The following UBE2J2 variants were observed in gnomAD, a reference collection of about 807,000 sequenced individuals.
UBE2J2 encodes the protein ubiquitin conjugating enzyme E2 J2.
A neutral mutation model predicts 28.6 loss-of-function variants in UBE2J2; 5 were observed. The ratio of observed to expected loss-of-function variants is 0.17; its 90% CI spans 0.09 to 0.37. UBE2J2 has a LOEUF of 0.37. Ranked by LOEUF, UBE2J2 falls within the 10% of genes least tolerant of loss-of-function variation. The pLI is 1.00. For missense variants in UBE2J2, 226 were observed against 338.9 expected (o/e 0.67, Z 2.62); for synonymous variants, 138 against 139.7 (o/e 0.99, Z 0.09).
rs537122535 is a variant in UBE2J2, at chr1:1,267,867, G to C, written c.126C>G (p.Leu42=). ...TCAGTGGCGCGGAGCCTTACCACTCGAGAATATTCGAAGGGAGGGGCTCGG... is the reference window on the plus strand; with the variant it reads ...TCAGTGGCGCGGAGCCTTACCACTCCAGAATATTCGAAGGGAGGGGCTCGG... ...ICAEPLPSNI[L]EWHYVVRGPE... is the part of the protein sequence containing the mutation. The change falls in exon 2 of 7, where the codon CTC becomes CTG. Residue 42 remains leucine (L), a synonymous_variant. Transcript: ENST00000349431. 3 of 1,613,968 alleles carry C rather than the reference G, an allele frequency of 1.9e-6. No homozygotes were observed. Among genetic ancestry groups the C allele is most frequent in the South Asian group, 2.2e-5 (2 of 91,074 alleles).
chr1:1,270,378 C>T (rs1361708892), intron 1 of UBE2J2, among the ~76,000 whole-genome samples: 3 of 152,228 alleles, frequency 2.0e-5, no homozygotes, highest in South Asian at 4.1e-4. Flanking sequence ...GTGTCTGCTC[C>T]CAACCTGAGG....
chr1:1,255,919 TG>T, intron 6 of UBE2J2, 125 bp downstream of exon 6: 1 of 750,856 alleles, frequency 1.3e-6, no homozygotes. Flanking sequence ...TCGGGGCTCC[TG>T]GGGGAGAGGA....
At chr1:1,259,735 C>G (rs554264025) in intron 3 of UBE2J2, among the ~76,000 whole-genome samples, 1 of 152,170 alleles carries the variant, frequency 6.6e-6, no homozygotes, top group Non-Finnish European at 1.5e-5. Context: ...ACGGACCCCA[C>G]GCCCCACATG....
chr1:1,269,071 C>A (rs1432614333), intron 1 of UBE2J2, among the ~76,000 whole-genome samples: 3 of 151,788 alleles, frequency 2.0e-5, no homozygotes, highest in Non-Finnish European at 4.4e-5. Context: ...CAAGACAGCA[C>A]TGAAGGCCGA....
chr1:1,259,743 A>G (rs993533137), intron 3 of UBE2J2, among the ~76,000 whole-genome samples: 2 of 151,814 alleles, frequency 1.3e-5, no homozygotes, highest in Non-Finnish European at 2.9e-5. Flanking sequence ...CACGCCCCAC[A>G]TGGACTGTGC....
intron 1 of UBE2J2, chr1:1,272,853 G>C (rs975993740): frequency 3.3e-5 from 5 of 153,624 alleles, no homozygotes; most frequent in South Asian, 1.8e-4. Flanking sequence ...AGATACTCAC[G>C]ATCCTTTCTT....
chr1:1,273,615 G>A (rs985054206), intron 1 of UBE2J2, 51 bp downstream of exon 1: 1 of 151,616 alleles, frequency 6.6e-6, no homozygotes, highest in African/African-American at 2.4e-5. Flanking sequence ...GGCTCCGGCA[G>A]GGGGGACGAG....
intron 3 of UBE2J2, 97 bp from the exon 4 acceptor site, chr1:1,257,407 C>CTG (rs1475341639): frequency 1.8e-6 from 1 of 554,638 alleles, no homozygotes; most frequent in Non-Finnish European, 2.8e-6. Context: ...CCCCCCCCCC[C>CTG]CTCAGCTCGG....
chr1:1,260,889 A>G (rs1057102442), intron 3 of UBE2J2, among the ~76,000 whole-genome samples: 1 of 152,366 alleles, frequency 6.6e-6, no homozygotes, highest in Admixed American at 6.5e-5. Context: ...ACTGTGTGAA[A>G]TCTACAGATT....
chr1:1,257,725 T>G (rs1175964315), intron 3 of UBE2J2, among the ~76,000 whole-genome samples: 2 of 151,984 alleles, frequency 1.3e-5, no homozygotes, highest in African/African-American at 4.8e-5. Flanking sequence ...CAGGCCCAGC[T>G]GAGGCCGCCC....
chr1:1,255,757 C>T (rs111814584), intron 6 of UBE2J2, among the ~76,000 whole-genome samples: 10 of 152,352 alleles, frequency 6.6e-5, no homozygotes, highest in African/African-American at 2.2e-4. Context: ...ACATGGCAGC[C>T]GCTGTGCCTC....
At chr1:1,259,806 C>T (rs1639448677) in intron 3 of UBE2J2, among the ~76,000 whole-genome samples, 1 of 152,186 alleles carries the variant, frequency 6.6e-6, no homozygotes, top group Non-Finnish European at 1.5e-5. Flanking sequence ...GGGGCTCGTG[C>T]CCGCTTGTAT....
chr1:1,263,133 ACAGGCGGCCCTG>A (rs1639658971), intron 3 of UBE2J2: 1 of 555,380 alleles, frequency 1.8e-6, no homozygotes, highest in Admixed American at 2.9e-5. Context: ...CACAGACGCT[ACAGGCGGCCCTG>A]CAGGCTGAGA....
At chr1:1,273,258 A>G (rs909912492) in intron 1 of UBE2J2, 2 of 151,970 alleles carry the variant, frequency 1.3e-5, no homozygotes, top group African/African-American at 4.8e-5. Flanking sequence ...AGTCCCGGGC[A>G]CGCTCGTTTC....
chr1:1,257,844 C>A (rs1462855899), intron 3 of UBE2J2, among the ~76,000 whole-genome samples: 4 of 151,980 alleles, frequency 2.6e-5, no homozygotes, highest in African/African-American at 9.7e-5. Flanking sequence ...CACTCTCCAC[C>A]ACACACCCCT....
At chr1:1,262,217 G>A (rs1347544740) in intron 3 of UBE2J2, 4 of 421,162 alleles carry the variant, frequency 9.5e-6, no homozygotes, top group South Asian at 3.4e-5. Context: ...CACACGCATC[G>A]TAACAAGTAC....
rs765266029 is a variant in UBE2J2 at position 1,255,504 on chromosome 1, G to A, written c.496-17C>T. Reference sequence around the variant, plus strand: ...TTTAATCTCCTAAGAGAAAAACAGCGAGAAAAGCAGCTGGTCTCCAACCAG... The same window carrying A: ...TTTAATCTCCTAAGAGAAAAACAGCAAGAAAAGCAGCTGGTCTCCAACCAG... On this transcript the variant is annotated splice_polypyrimidine_tract_variant and intron_variant, in intron 6 of 6. Coordinates refer to ENST00000349431, the MANE Select transcript of UBE2J2 (RefSeq NM_058167.3). 28 of 1,597,436 alleles carry A rather than the reference G, an allele frequency of 1.8e-5. No individual in the cohort carries two copies. The highest frequency in any genetic ancestry group is 5.1e-5 in the Admixed American group (3 of 59,170).
At chr1:1,255,615 C>A in intron 6 of UBE2J2, 128 bp from the exon 7 acceptor site, 1 of 1,189,534 alleles carries the variant, frequency 8.4e-7, no homozygotes, top group Non-Finnish European at 1.2e-6. Flanking sequence ...AATTCCGACC[C>A]CATCTCACAG....
chr1:1,256,389 C>T (rs41311977), intron 5 of UBE2J2: 61 of 400,086 alleles, frequency 1.5e-4, no homozygotes, highest in African/African-American at 6.2e-4. Flanking sequence ...TGACAAGGCC[C>T]GGGCCGTCTG....
Sources: allele counts gnomAD v4.1 joint callset (sites outside exome capture counted in the v4.1 genomes callset), GRCh38; gene constraint gnomAD v4.1.1; transcripts MANE v1.5; gene names NCBI Gene and HGNC (gene_info 2026-07-23, HGNC 2026-07-21).